The following COPS4 variants were observed in gnomAD, a reference collection of about 807,000 sequenced individuals.
The protein encoded by COPS4 is COP9 signalosome subunit 4.
A neutral mutation model predicts 55.1 loss-of-function variants in COPS4; 8 were observed. The observed-to-expected ratio is 0.15, with a 90% CI of 0.09 to 0.26. The LOEUF is 0.26. COPS4 is among the 10% of genes least tolerant of loss of function. COPS4 has a pLI of 1.00. For synonymous variants in COPS4, 185 were observed against 165.7 expected, an observed-to-expected ratio of 1.12 and a Z score of -0.90; for missense variants, 248 against 484.0, an observed-to-expected ratio of 0.51 and a Z score of 4.58.
At chr4:83,042,844 A>G (rs1372337581) in intron 1 of COPS4, among the ~76,000 whole-genome samples, 1 of 151,824 alleles carries the variant, frequency 6.6e-6, no homozygotes, top group East Asian at 1.9e-4. Context: ...AGATCAAGCC[A>G]TCTGACTGCC....
chr4:83,055,928 T>C (rs547508432), intron 4 of COPS4, among the ~76,000 whole-genome samples: 1 of 93,590 alleles, frequency 1.1e-5, no homozygotes, highest in Admixed American at 1.9e-4. Context: ...TTTTTTTTCT[T>C]TTTCTTTTTT....
chr4:83,063,751 C>T (rs1317188601), intron 7 of COPS4, among the ~76,000 whole-genome samples: 1 of 151,832 alleles, frequency 6.6e-6, no homozygotes, highest in Non-Finnish European at 1.5e-5. Context: ...CTCTTGTCGC[C>T]CAGGCTGGAG....
At chr4:83,074,353 G>A (rs1165172167) in intron 9 of COPS4, among the ~76,000 whole-genome samples, 1 of 151,878 alleles carries the variant, frequency 6.6e-6, no homozygotes, top group Middle Eastern at 3.2e-3. Context: ...TATACCTTGT[G>A]CCAGTAATTT....
intron 6 of COPS4, among the ~76,000 whole-genome samples, chr4:83,059,944 G>A (rs573746690): frequency 1.3e-5 from 2 of 151,976 alleles, no homozygotes; most frequent in South Asian, 2.1e-4. Flanking sequence ...CTTGTGATCC[G>A]CCCTCCTCCG....
Position 83,074,612 on chromosome 4 carries a change from G to A in COPS4, c.1088-685G>A, listed in dbSNP as rs568545714. Among the ~76,000 whole-genome samples, 91 of 149,838 alleles carry A rather than the reference G, an allele frequency of 6.1e-4. No individual in the cohort carries two copies. The South Asian group carries it at 0.014, about 22-fold the overall frequency. On this transcript the variant is annotated intron_variant, in intron 9 of 9. Coordinates refer to ENST00000264389, the MANE Select transcript of COPS4 (RefSeq NM_016129.3). Reference sequence around the variant, plus strand: ...CGAGTAGCTGGTATTACAGGCGCCCGCCACCACGCCCGGCTAATTTTTGTA... The same window carrying A: ...CGAGTAGCTGGTATTACAGGCGCCCACCACCACGCCCGGCTAATTTTTGTA...
chr4:83,070,651 C>T (rs1186109171), intron 9 of COPS4, among the ~76,000 whole-genome samples: 1 of 152,148 alleles, frequency 6.6e-6, no homozygotes, highest in Non-Finnish European at 1.5e-5. Flanking sequence ...ATTCTGAACC[C>T]TACTATTATA....
chr4:83,050,074 A>G, intron 4 of COPS4, 90 bp downstream of exon 4: 4 of 738,974 alleles, frequency 5.4e-6, no homozygotes, highest in Non-Finnish European at 2.2e-6. Flanking sequence ...TACAGGAAAC[A>G]GATAAACAAA....
chr4:83,040,506 C>G (rs1730534374), intron 1 of COPS4, among the ~76,000 whole-genome samples: 1 of 152,174 alleles, frequency 6.6e-6, no homozygotes, highest in Non-Finnish European at 1.5e-5. Context: ...ATGGAACTTC[C>G]ATTCCCATTT....
At chr4:83,042,341 T>C (rs563428695) in intron 1 of COPS4, among the ~76,000 whole-genome samples, 5 of 152,292 alleles carry the variant, frequency 3.3e-5, no homozygotes, top group Admixed American at 6.5e-5. Flanking sequence ...GGGGTGATTT[T>C]ATATGGCAGT....
chr4:83,065,988 TAA>T (rs1228913679), intron 7 of COPS4, among the ~76,000 whole-genome samples: 1 of 152,170 alleles, frequency 6.6e-6, no homozygotes, highest in Admixed American at 6.5e-5. Context: ...CTGTCCCTAC[TAA>T]AAATACAAAA....
At chr4:83,054,127 G>A (rs896277227) in intron 4 of COPS4, among the ~76,000 whole-genome samples, 22 of 152,134 alleles carry the variant, frequency 1.4e-4, no homozygotes, top group African/African-American at 5.1e-4. Flanking sequence ...CGGATCACAA[G>A]GTCAGGAGAT....
intron 1 of COPS4, among the ~76,000 whole-genome samples, chr4:83,041,514 C>G (rs914502249): frequency 3.9e-5 from 6 of 152,158 alleles, no homozygotes; most frequent in Non-Finnish European, 7.4e-5. Context: ...TACTCTCACT[C>G]TGTCACAGGC....
In COPS4 at chr4:83,075,395, A is replaced by G. The variant is rs1311640271; in HGVS notation, c.1186A>G (p.Thr396Ala). ...EKISQTAPEW[T>A]AQAMEAQMAQ is the part of the protein sequence containing the mutation. The stretch of plus-strand genomic sequence containing the variant: ...AATTAGTCAAACAGCACCAGAATGG[A>G]CAGCACAAGCCATGGAAGCCCAGAT... Residue 396 changes from threonine (T) to alanine (A), a missense_variant, in exon 10 of 10, where the codon ACA becomes GCA. By Grantham distance (58) the Thr-to-Ala change is moderately conservative. Transcript: ENST00000264389. 6.2e-7 allele frequency: 1 copy of G among 1,614,214 alleles called. No individual in the cohort carries two copies. Among genetic ancestry groups the G allele is most frequent in the South Asian group, 1.1e-5 (1 of 91,084 alleles).
chr4:83,066,396 A>G, intron 7 of COPS4, 42 bp from the exon 8 acceptor site: 1 of 1,010,564 alleles, frequency 9.9e-7, no homozygotes, highest in Non-Finnish European at 1.5e-6. Context: ...TTTAGAGTAT[A>G]AAACTAGTTT....
At chr4:83,044,922 A>G (rs1730667476) in intron 1 of COPS4, among the ~76,000 whole-genome samples, 1 of 152,252 alleles carries the variant, frequency 6.6e-6, no homozygotes, top group Non-Finnish European at 1.5e-5. Flanking sequence ...CATAGCAGAG[A>G]ACAAAACACA....
chr4:83,064,869 CTTTTTTTTTTTTTTTTTT>C (rs140166684), intron 7 of COPS4, among the ~76,000 whole-genome samples: 9 of 73,628 alleles, frequency 1.2e-4, no homozygotes, highest in East Asian at 5.5e-4. Context: ...TAAGCAGTCC[CTTTTTTTTTTTTTTTTTT>C]TTTTTTTTTT....
intron 8 of COPS4, 93 bp from the exon 9 acceptor site, chr4:83,068,344 TG>T: frequency 1.3e-6 from 1 of 779,250 alleles, no homozygotes; most frequent in Non-Finnish European, 2.2e-6. Flanking sequence ...AGTTTAGTGA[TG>T]GTAGTTAAAC....
intron 1 of COPS4, among the ~76,000 whole-genome samples, chr4:83,037,411 G>C (rs1021246121): frequency 6.6e-6 from 1 of 152,202 alleles, no homozygotes; most frequent in Non-Finnish European, 1.5e-5. Flanking sequence ...AGCCGTTACT[G>C]TAGCAGTCTA....
chr4:83,047,366 C>T (rs1283556378), intron 2 of COPS4, among the ~76,000 whole-genome samples: 1 of 152,076 alleles, frequency 6.6e-6, no homozygotes, highest in African/African-American at 2.4e-5. Context: ...CCAGCCTGGG[C>T]AATGTGGAGA....
Sources: gnomAD v4.1 joint callset for allele counts (sites outside exome capture counted in the v4.1 genomes callset) on GRCh38, gnomAD v4.1.1 for gene constraint, MANE v1.5 for transcripts, NCBI Gene and HGNC (gene_info 2026-07-23, HGNC 2026-07-21) for gene names.